PIKFYVE: variants seen among roughly 807,000 people sequenced by gnomAD.
The protein encoded by PIKFYVE is phosphoinositide kinase, FYVE-type zinc finger containing.
PIKFYVE carries 122 observed loss-of-function variants against 257.9 expected under a neutral mutation model. That is an observed-to-expected ratio of 0.47 (90% CI 0.41 to 0.55). The LOEUF (loss-of-function observed/expected upper bound fraction) is 0.55, where lower values mean the gene tolerates loss of function less well. Ranked by LOEUF, PIKFYVE falls within the 20% of genes least tolerant of loss-of-function variation. PIKFYVE has a pLI of 0.00. For synonymous variants in PIKFYVE, 892 were observed against 868.9 expected, an observed-to-expected ratio of 1.03 and a Z score of -0.47; for missense variants, 2,160 against 2,536.6, an observed-to-expected ratio of 0.85 and a Z score of 3.19.
chr2:208,305,120 G>T, intron 12 of PIKFYVE, 107 bp downstream of exon 12: 2 of 1,563,232 alleles, frequency 1.3e-6, no homozygotes, highest in Non-Finnish European at 1.7e-6. Flanking sequence ...GTGGCTGAGG[G>T]TATTTGGTGT....
chr2:208,351,263 A>G lies in PIKFYVE; in HGVS notation c.5612-89A>G, dbSNP rs553041575. On this transcript the variant is annotated intron_variant, in intron 37 of 41. Transcript: ENST00000264380. ...AAATTCCCCTTAAAATCATAAAACA[A>G]CCTAATCATTTAGGATCTTTGGAAT... 2.7e-6 allele frequency: 3 copies of G among 1,121,438 alleles called. No homozygotes were observed. In the Admixed American group the frequency reaches 5.3e-5, roughly 20 times the overall value. 69.5% of individuals were successfully genotyped at this position (1,121,438 alleles called of 1,614,324 possible). A position where few individuals can be genotyped will look rare whatever the true frequency, so the allele number is the denominator to read the frequency against.
chr2:208,339,642 C>G (rs1698518892), intron 30 of PIKFYVE, 87 bp downstream of exon 30: 2 of 1,502,694 alleles, frequency 1.3e-6, no homozygotes, highest in Non-Finnish European at 1.8e-6. Context: ...AGCCATTTCT[C>G]TAAGGACAGA....
chr2:208,301,227 G>A (rs908175857), intron 9 of PIKFYVE, 133 bp downstream of exon 9: 2 of 1,164,706 alleles, frequency 1.7e-6, no homozygotes, highest in Non-Finnish European at 2.4e-6. Flanking sequence ...ATGGTTTAGG[G>A]TGCTAATTAC....
intron 13 of PIKFYVE, 76 bp from the exon 14 acceptor site, chr2:208,314,218 C>CAATT (rs1467524508): frequency 6.6e-7 from 1 of 1,503,838 alleles, no homozygotes; most frequent in Non-Finnish European, 9.1e-7. Context: ...AGACAAAGGG[C>CAATT]AATTTCTAAA....
At chr2:208,337,127 T>C (rs972069531) in intron 28 of PIKFYVE, among the ~76,000 whole-genome samples, 199 bp downstream of exon 28, 2 of 152,172 alleles carry the variant, frequency 1.3e-5, no homozygotes, top group Non-Finnish European at 2.9e-5. Flanking sequence ...TGATCACTTA[T>C]AATTTATTTA....
chr2:208,270,333 T>C (rs13408636), intron 1 of PIKFYVE, among the ~76,000 whole-genome samples: 149,761 of 152,214 alleles, frequency 0.98, 73,712 homozygotes, highest in East Asian at 1. Flanking sequence ...TGAGCCACCG[T>C]GCCTGGACCA....
intron 29 of PIKFYVE, 74 bp downstream of exon 29, chr2:208,338,642 T>C: frequency 6.8e-7 from 1 of 1,474,160 alleles, no homozygotes; most frequent in Non-Finnish European, 9.5e-7. Context: ...TGTTTTAAAC[T>C]GTTTGAGCAG....
At chr2:208,304,390 G>T in intron 11 of PIKFYVE, 72 bp downstream of exon 11, 1 of 1,545,942 alleles carries the variant, frequency 6.5e-7, no homozygotes, top group Non-Finnish European at 8.9e-7. Flanking sequence ...TGATTATCTT[G>T]TTTGTTGAAA....
chr2:208,296,978 A>G (rs1693069446), intron 7 of PIKFYVE, among the ~76,000 whole-genome samples: 1 of 152,134 alleles, frequency 6.6e-6, no homozygotes, highest in African/African-American at 2.4e-5. Flanking sequence ...GAGTCAGGAG[A>G]TGGCTTTTTA....
In PIKFYVE at chr2:208,324,238, A is replaced by G. The variant is rs760036973; in HGVS notation, c.2287A>G (p.Met763Val). 15 of 1,613,928 alleles carry G rather than the reference A, an allele frequency of 9.3e-6. No individual in the cohort carries two copies. The highest frequency in any genetic ancestry group is 1.3e-5 in the African/African-American group (1 of 74,902). Residue 763 changes from methionine to valine, a missense_variant, in exon 18 of 42, where the codon ATG becomes GTG. Physicochemically the swap from Met to Val is conservative, Grantham distance 21 (BLOSUM62 1). Coordinates refer to ENST00000264380, the MANE Select transcript of PIKFYVE (RefSeq NM_015040.4). ...EKTVSRIAQDMLLEHGITLVI... is the reference protein window; with the variant it reads ...EKTVSRIAQDVLLEHGITLVI... ...AACAGTGTCTCGGATTGCCCAGGAC[A>G]TGTTATTGGAACATGGCATTACTTT...
chr2:208,319,241 C>T (rs146623718), intron 16 of PIKFYVE, among the ~76,000 whole-genome samples: 2 of 152,244 alleles, frequency 1.3e-5, no homozygotes, highest in Non-Finnish European at 2.9e-5. Context: ...TTTTCTAAGG[C>T]ATTAAGATTC....
intron 25 of PIKFYVE, 107 bp downstream of exon 25, chr2:208,335,526 T>C: frequency 1.1e-6 from 1 of 945,630 alleles, no homozygotes; most frequent in Non-Finnish European, 1.6e-6. Context: ...TCTAATTGTA[T>C]GCTATGCATG....
chr2:208,268,126 G>C (rs1236329330), intron 1 of PIKFYVE, among the ~76,000 whole-genome samples: 1 of 152,184 alleles, frequency 6.6e-6, no homozygotes, highest in Non-Finnish European at 1.5e-5. Flanking sequence ...TAAAGAGTGA[G>C]AGTTATAAGA....
Position 208,304,036 on chromosome 2 carries a change from T to G in PIKFYVE, c.1321-135T>G. On this transcript the variant is annotated intron_variant, in intron 10 of 41. Coordinates refer to ENST00000264380, the MANE Select transcript of PIKFYVE (RefSeq NM_015040.4). ...ATTCTGGTTTATAACTTGGTTTTTG[T>G]TAATTTGTTTATTTTTATAAAATTC... 2.6e-6 allele frequency: 3 copies of G among 1,170,236 alleles called. No individual in the cohort carries two copies. In the South Asian group the frequency reaches 4.1e-5, roughly 16 times the overall value. The allele number at this position is 1,170,236 out of a possible 1,614,324, so 72.5% of individuals were successfully genotyped here. A position where few individuals can be genotyped will look rare whatever the true frequency, so the allele number is the denominator to read the frequency against.
chr2:208,273,507 C>T (rs749839032), intron 2 of PIKFYVE, 77 bp from the exon 3 acceptor site: 37 of 1,581,510 alleles, frequency 2.3e-5, no homozygotes, highest in Non-Finnish European at 3.0e-5. Context: ...ACATTGTTGC[C>T]TGAAAATTTT....
chr2:208,307,097 T>A (rs1694417667), intron 12 of PIKFYVE, among the ~76,000 whole-genome samples: 1 of 152,088 alleles, frequency 6.6e-6, no homozygotes, highest in South Asian at 2.1e-4. Flanking sequence ...TTTAAAAAGA[T>A]TATCTATCAA....
chr2:208,329,166 A>G (rs571121527), intron 21 of PIKFYVE, among the ~76,000 whole-genome samples: 7 of 152,338 alleles, frequency 4.6e-5, no homozygotes, highest in East Asian at 1.9e-4. Context: ...TAAAAGTACT[A>G]TGGAACATAA....
chr2:208,353,603 A>C lies in PIKFYVE; in HGVS notation c.5845-295A>C, dbSNP rs531791238. 9.2e-5 allele frequency among the ~76,000 whole-genome samples: 14 copies of C among 151,682 alleles called. No homozygotes were observed. The South Asian group carries it at 2.5e-3, about 27-fold the overall frequency. Reference sequence around the variant, plus strand: ...GATGTATTTCTGGAGTTACTTGTTAATGTATCTTGAAGTTGATTAAATTGG... The same window carrying C: ...GATGTATTTCTGGAGTTACTTGTTACTGTATCTTGAAGTTGATTAAATTGG... On this transcript the variant is annotated intron_variant, in intron 39 of 41. Coordinates refer to ENST00000264380, the MANE Select transcript of PIKFYVE (RefSeq NM_015040.4).
chr2:208,350,946 G>A lies in PIKFYVE; in HGVS notation c.5610G>A (p.Glu1870=). 1 of 1,614,132 alleles carries A rather than the reference G, an allele frequency of 6.2e-7. No homozygotes were observed. Among genetic ancestry groups the A allele is most frequent in the South Asian group, 1.1e-5 (1 of 91,076 alleles). ...CAGGAGCTGCCTTCTATGCAACTGA[G>A]GGTGAGCCTTTCTCATCGTTTATTG... ...GKSGAAFYAT[E]DDRFILKQMP... Residue 1870 remains glutamate, a splice_region_variant and synonymous_variant, in exon 37 of 42, where the codon GAG becomes GAA. Coordinates refer to ENST00000264380, the MANE Select transcript of PIKFYVE (RefSeq NM_015040.4).
Sources: allele counts gnomAD v4.1 joint callset (sites outside exome capture counted in the v4.1 genomes callset), GRCh38; gene constraint gnomAD v4.1.1; transcripts MANE v1.5; gene names NCBI Gene and HGNC (gene_info 2026-07-23, HGNC 2026-07-21).